Variants in STX8 observed in about 807,000 individuals in gnomAD.
STX8 encodes syntaxin-8.
In STX8, 23 loss-of-function variants were observed where a neutral mutation model predicts 37.5. That is an observed-to-expected ratio of 0.61 (90% CI 0.44 to 0.87). The LOEUF is 0.87. Among genes scored for constraint, STX8 ranks in the 40% least tolerant of loss-of-function variants. The pLI is 0.00. For synonymous variants in STX8, 115 were observed against 99.1 expected, an observed-to-expected ratio of 1.16 and a Z score of -0.95; for missense variants, 313 against 284.7, an observed-to-expected ratio of 1.10 and a Z score of -0.71.
intron 7 of STX8, among the ~76,000 whole-genome samples, chr17:9,299,153 TG>T (rs1908672222): frequency 6.6e-6 from 1 of 152,164 alleles, no homozygotes; most frequent in Non-Finnish European, 1.5e-5. Flanking sequence ...ATGGCACTGG[TG>T]ACCAACACAA....
intron 7 of STX8, among the ~76,000 whole-genome samples, chr17:9,281,377 G>A (rs959374615): frequency 2.6e-5 from 4 of 152,198 alleles, no homozygotes; most frequent in Non-Finnish European, 5.9e-5. Flanking sequence ...GTGGTTGGTG[G>A]TCTTGCTCAT....
intron 7 of STX8, chr17:9,378,184 TGAACTCAA>T (rs1378194540): frequency 5.7e-6 from 1 of 174,448 alleles, no homozygotes; most frequent in Non-Finnish European, 1.2e-5. Context: ...ACATAGGATT[TGAACTCAA>T]TTAAGCTTGT....
intron 4 of STX8, among the ~76,000 whole-genome samples, chr17:9,522,541 C>CAAAAA (rs33970359): frequency 7.5e-5 from 5 of 66,900 alleles, no homozygotes; most frequent in African/African-American, 1.7e-4. Context: ...ACTAAAAATC[C>CAAAAA]AAAAAAAAAA....
intron 6 of STX8, among the ~76,000 whole-genome samples, chr17:9,409,408 G>A (rs545663426): frequency 3.3e-5 from 5 of 152,248 alleles, no homozygotes; most frequent in African/African-American, 9.6e-5. Flanking sequence ...TTATGTCTTA[G>A]GAGCTTGATT....
At chr17:9,321,708 C>T (rs530353022) in intron 7 of STX8, among the ~76,000 whole-genome samples, 49 of 151,872 alleles carry the variant, frequency 3.2e-4, no homozygotes, top group Non-Finnish European at 4.9e-4. Flanking sequence ...TTAGTAGAGA[C>T]GGGGTTTCAC....
At chr17:9,488,029 T>C (rs189740006) in intron 6 of STX8, among the ~76,000 whole-genome samples, 267 of 152,230 alleles carry the variant, frequency 1.8e-3, no homozygotes, top group African/African-American at 6.1e-3. Flanking sequence ...TCACTTGGTA[T>C]AAAATTACTG....
intron 6 of STX8, among the ~76,000 whole-genome samples, chr17:9,433,037 G>A (rs1914032209): frequency 6.6e-6 from 1 of 152,208 alleles, no homozygotes; most frequent in South Asian, 2.1e-4. Context: ...AGGCCACACA[G>A]ATATGGATGC....
At chr17:9,253,341 G>A (rs1567755294) in intron 7 of STX8, among the ~76,000 whole-genome samples, 1 of 151,878 alleles carries the variant, frequency 6.6e-6, no homozygotes, top group Non-Finnish European at 1.5e-5. Flanking sequence ...CCATCTTCTT[G>A]CCAGAAGCAG....
chr17:9,273,852 T>C (rs908004888), intron 7 of STX8, among the ~76,000 whole-genome samples: 4 of 152,218 alleles, frequency 2.6e-5, no homozygotes, highest in Non-Finnish European at 4.4e-5. Flanking sequence ...CAGGCCTCAA[T>C]GCAGCGGCTC....
At chr17:9,420,367 G>A (rs78755026) in intron 6 of STX8, among the ~76,000 whole-genome samples, 2,587 of 152,178 alleles carry the variant, frequency 0.017, 34 homozygotes, top group Non-Finnish European at 0.021. Context: ...TAAAGGGCAC[G>A]ACTCCGCCAA....
intron 7 of STX8, among the ~76,000 whole-genome samples, chr17:9,328,741 C>A (rs1002457289): frequency 6.6e-6 from 1 of 152,124 alleles, no homozygotes; most frequent in Non-Finnish European, 1.5e-5. Flanking sequence ...GTCATTCCTT[C>A]AGACATGTAA....
chr17:9,438,418 C>T (rs949020040), intron 6 of STX8, among the ~76,000 whole-genome samples: 2 of 151,424 alleles, frequency 1.3e-5, no homozygotes, highest in Admixed American at 6.6e-5. Context: ...ACTCTCAGGT[C>T]CCACCTTGGC....
intron 6 of STX8, among the ~76,000 whole-genome samples, chr17:9,380,656 A>T (rs539656028): frequency 2.6e-5 from 4 of 151,512 alleles, no homozygotes; most frequent in South Asian, 4.2e-4. Flanking sequence ...ACAGTATTAT[A>T]ATGTTATAAT....
chr17:9,322,618 T>C (rs1423551561), intron 7 of STX8, among the ~76,000 whole-genome samples: 1 of 152,080 alleles, frequency 6.6e-6, no homozygotes, highest in East Asian at 1.9e-4. Flanking sequence ...CTATTTATGC[T>C]AAAGAAATTT....
intron 6 of STX8, among the ~76,000 whole-genome samples, chr17:9,459,892 A>G (rs866321822): frequency 1.3e-5 from 2 of 152,196 alleles, no homozygotes; most frequent in African/African-American, 2.4e-5. Flanking sequence ...AACACATCAA[A>G]TAAGTTTTTT....
intron 7 of STX8, among the ~76,000 whole-genome samples, chr17:9,354,647 G>A (rs908592664): frequency 1.3e-5 from 2 of 151,238 alleles, no homozygotes; most frequent in East Asian, 2.0e-4. Flanking sequence ...TACTATAATC[G>A]TGCTTCCATT....
chr17:9,341,496 G>A (rs966990383), intron 7 of STX8, among the ~76,000 whole-genome samples: 1 of 152,138 alleles, frequency 6.6e-6, no homozygotes, highest in Non-Finnish European at 1.5e-5. Flanking sequence ...GAGTGCAATG[G>A]CGTGATCTCG....
At chr17:9,528,798 C>T (rs1037580643) in intron 4 of STX8, among the ~76,000 whole-genome samples, 3 of 150,496 alleles carry the variant, frequency 2.0e-5, no homozygotes, top group East Asian at 1.9e-4. Context: ...CATCCCTCTT[C>T]GTTAAAAAAA....
intron 6 of STX8, among the ~76,000 whole-genome samples, chr17:9,483,704 C>T (rs145992925): frequency 4.6e-4 from 70 of 152,246 alleles, no homozygotes; most frequent in African/African-American, 1.5e-3. Context: ...TTTTCTAGCA[C>T]GTTCAAAGGA....
Sources: gnomAD v4.1 joint callset for allele counts (sites outside exome capture counted in the v4.1 genomes callset) on GRCh38, gnomAD v4.1.1 for gene constraint, MANE v1.5 for transcripts, NCBI Gene and HGNC (gene_info 2026-07-23, HGNC 2026-07-21) for gene names.